SERPINE2: variants seen among roughly 807,000 people sequenced by gnomAD.
The protein encoded by SERPINE2 is serpin family E member 2.
A neutral mutation model predicts 36.3 loss-of-function variants in SERPINE2; 14 were observed. The observed-to-expected ratio is 0.39, with a 90% CI of 0.25 to 0.60. The LOEUF (loss-of-function observed/expected upper bound fraction) is 0.60, where lower values mean the gene tolerates loss of function less well. Ranked by LOEUF, SERPINE2 falls within the 20% of genes least tolerant of loss-of-function variation. The pLI is 0.57. For missense variants in SERPINE2, 418 were observed against 499.6 expected (o/e 0.84, Z 1.56); for synonymous variants, 192 against 191.8 (o/e 1.00, Z -0.01).
chr2:224,030,292 A>T, intron 1 of SERPINE2: 1 of 907,416 alleles, frequency 1.1e-6, no homozygotes, highest in Non-Finnish European at 1.3e-6. Context: ...GAAACAAAGC[A>T]TGCAAAGACA....
chr2:223,985,237 C>T (rs1690380079), intron 4 of SERPINE2, among the ~76,000 whole-genome samples: 1 of 151,524 alleles, frequency 6.6e-6, no homozygotes, highest in African/African-American at 2.4e-5. Flanking sequence ...AAATTCAGTG[C>T]TTTGCAAGAA....
chr2:223,985,949 G>C (rs1292143012), intron 4 of SERPINE2, among the ~76,000 whole-genome samples: 3 of 152,226 alleles, frequency 2.0e-5, no homozygotes, highest in Non-Finnish European at 2.9e-5. Context: ...AGACAAAACA[G>C]ATTCCACATC....
intron 1 of SERPINE2, among the ~76,000 whole-genome samples, chr2:224,014,896 TG>T (rs565670957): frequency 3.8e-4 from 58 of 152,242 alleles, no homozygotes; most frequent in Non-Finnish European, 7.1e-4. Flanking sequence ...GCTTGGTACC[TG>T]CCCTCCCACC....
intron 1 of SERPINE2, among the ~76,000 whole-genome samples, chr2:224,003,645 G>A (rs947366973): frequency 3.3e-5 from 5 of 152,148 alleles, no homozygotes; most frequent in African/African-American, 1.2e-4. Flanking sequence ...GCTATGACAA[G>A]TAAGAGGTAG....
intron 1 of SERPINE2, among the ~76,000 whole-genome samples, chr2:224,035,306 C>A (rs1369635199): frequency 6.6e-6 from 1 of 152,178 alleles, no homozygotes. Context: ...CCAGTGTATT[C>A]AGGCACTGGA....
intron 1 of SERPINE2, among the ~76,000 whole-genome samples, chr2:224,006,356 G>A (rs967855389): frequency 4.1e-4 from 63 of 152,138 alleles, no homozygotes; most frequent in Non-Finnish European, 1.5e-4. Flanking sequence ...AAGAATCATA[G>A]TTTCTGTTGA....
chr2:224,006,389 G>A (rs948124844), intron 1 of SERPINE2, among the ~76,000 whole-genome samples: 11 of 152,140 alleles, frequency 7.2e-5, no homozygotes, highest in Non-Finnish European at 1.5e-5. Context: ...ACCCAAGCCC[G>A]AGCCTCTGCT....
intron 1 of SERPINE2, among the ~76,000 whole-genome samples, chr2:224,022,984 T>TTTCCTTTGCC (rs1282452397): frequency 2.0e-5 from 3 of 152,214 alleles, no homozygotes; most frequent in Admixed American, 2.0e-4. Flanking sequence ...GGTGCCTGCT[T>TTTCCTTTGCC]TTCCTTTGCC....
At position 224,001,896 on chromosome 2, in the gene SERPINE2, T is replaced by C. The variant is rs1440188753; in HGVS notation, c.5A>G (p.Asn2Ser). The C allele has an allele frequency of 1.9e-6, 3 of 1,611,298 alleles. No homozygotes were observed. The African/African-American group carries it at 4.0e-5, about 22-fold the overall frequency. Residue 2 changes from asparagine to serine, a missense_variant, in exon 2 of 9, where the codon AAC (asparagine) becomes AGC (serine). Transcript: ENST00000409304. The part of the protein sequence containing the change: M[N>S]WHLPLFLLAS... ...CAAGAGGAAGAGGGGGAGATGCCAG[T>C]TCATGGTTCCTTCCACCAAGGACGA...
intron 1 of SERPINE2, among the ~76,000 whole-genome samples, chr2:224,032,255 C>T (rs1692404434): frequency 6.6e-6 from 1 of 152,174 alleles, no homozygotes; most frequent in Non-Finnish European, 1.5e-5. Flanking sequence ...TTGTAGTCAC[C>T]TTATTCATTT....
chr2:223,982,317 G>C (rs1385250956), intron 6 of SERPINE2: 2 of 163,584 alleles, frequency 1.2e-5, no homozygotes, highest in Non-Finnish European at 2.6e-5. Context: ...TGGAGACTCA[G>C]AAGGAGGAGG....
intron 5 of SERPINE2, 40 bp from the exon 6 acceptor site, chr2:223,982,821 C>T (rs774095477): frequency 1.4e-6 from 2 of 1,419,384 alleles, no homozygotes; most frequent in South Asian, 1.2e-5. Context: ...AATCACGAGG[C>T]TATAAATGCT....
At chr2:224,034,169 A>C (rs1692465080) in intron 1 of SERPINE2, among the ~76,000 whole-genome samples, 1 of 152,192 alleles carries the variant, frequency 6.6e-6, no homozygotes, top group Admixed American at 6.5e-5. Flanking sequence ...CTTAGAGTCT[A>C]CTGGATAGGG....
chr2:224,006,288 T>C (rs964376737), intron 1 of SERPINE2, among the ~76,000 whole-genome samples: 15 of 152,200 alleles, frequency 9.9e-5, no homozygotes, highest in African/African-American at 2.4e-4. Flanking sequence ...TCAGAAAAAT[T>C]ATCCACTGGT....
intron 1 of SERPINE2, among the ~76,000 whole-genome samples, chr2:224,034,424 C>G (rs189744297): frequency 6.6e-6 from 1 of 152,000 alleles, no homozygotes; most frequent in Non-Finnish European, 1.5e-5. Context: ...GTGCAGTTTA[C>G]GGGAGGTTCA....
At chr2:224,031,752 AC>A (rs199826291) in intron 1 of SERPINE2, among the ~76,000 whole-genome samples, 2 of 104,540 alleles carry the variant, frequency 1.9e-5, no homozygotes, top group African/African-American at 4.2e-5. Flanking sequence ...TAGGATTTCC[AC>A]CCCCCACCCC....
At chr2:223,979,205 T>C (rs1360054404) in intron 7 of SERPINE2, 1 of 152,200 alleles carries the variant, frequency 6.6e-6, no homozygotes, top group Admixed American at 6.5e-5. Context: ...TGTTGCTATC[T>C]TGAAATTCTT....
chr2:224,029,874 A>G (rs1692301697), intron 1 of SERPINE2, among the ~76,000 whole-genome samples: 1 of 152,070 alleles, frequency 6.6e-6, no homozygotes, highest in African/African-American at 2.4e-5. Context: ...AATTTTTTGC[A>G]TTTTTAGTAG....
chr2:223,990,649 G>A (rs1417293954), intron 4 of SERPINE2, among the ~76,000 whole-genome samples: 2 of 151,732 alleles, frequency 1.3e-5, no homozygotes, highest in East Asian at 1.9e-4. Flanking sequence ...ACACTAACAC[G>A]GCCACCGGCT....
Sources: gnomAD v4.1 joint callset for allele counts (sites outside exome capture counted in the v4.1 genomes callset) on GRCh38, gnomAD v4.1.1 for gene constraint, MANE v1.5 for transcripts, NCBI Gene and HGNC (gene_info 2026-07-23, HGNC 2026-07-21) for gene names.